ACAP3: variants seen among roughly 807,000 people sequenced by gnomAD.
ACAP3 encodes the protein arf-GAP with coiled-coil, ANK repeat and PH domain-containing protein 3.
A neutral mutation model predicts 104.1 loss-of-function variants in ACAP3; 56 were observed. The observed-to-expected ratio is 0.54, with a 90% CI of 0.43 to 0.67. The LOEUF is 0.67. Ranked by LOEUF, ACAP3 falls within the 30% of genes least tolerant of loss-of-function variation. The pLI, the probability that ACAP3 is intolerant of heterozygous loss-of-function variation, is 0.00. For synonymous variants in ACAP3, 628 were observed against 496.2 expected, an observed-to-expected ratio of 1.27 and a Z score of -3.53; for missense variants, 1,208 against 1,174.9, an observed-to-expected ratio of 1.03 and a Z score of -0.41.
chr1:1,301,258 CTTTTT>C (rs869238177), intron 5 of ACAP3, among the ~76,000 whole-genome samples: 3 of 105,424 alleles, frequency 2.8e-5, no homozygotes, highest in African/African-American at 3.7e-5. Context: ...TTGGGGGTGT[CTTTTT>C]TTTTTTTTTT....
chr1:1,295,036 G>A (rs1341271083), intron 19 of ACAP3: 4 of 581,850 alleles, frequency 6.9e-6, no homozygotes, highest in South Asian at 6.4e-5. Context: ...TAAAGCCCAG[G>A]CCTTTTGGGA....
intron 4 of ACAP3, 73 bp from the exon 5 acceptor site, chr1:1,302,119 C>T: frequency 7.7e-7 from 1 of 1,302,902 alleles, no homozygotes; most frequent in Non-Finnish European, 1.0e-6. Context: ...CCCATCCTCA[C>T]CAGCAGAGGG....
Position 1,307,913 on chromosome 1 carries a change from G to T in ACAP3, c.-98C>A. On this transcript the variant is annotated 5_prime_UTR_variant, in exon 1 of 24. Transcript: ENST00000354700. Reference sequence around the variant, plus strand: ...CTCGTCCCGCCCGCGCCGCCTCGGCGCCCGCCCGCCCCGGAATGAGGCCGC... The same window carrying T: ...CTCGTCCCGCCCGCGCCGCCTCGGCTCCCGCCCGCCCCGGAATGAGGCCGC... The T allele has an allele frequency of 3.0e-6, 2 of 663,622 alleles. No homozygotes were observed. The highest frequency in any genetic ancestry group is 3.7e-6 in the Non-Finnish European group (2 of 538,592). The allele number at this position is 663,622 out of a possible 1,614,324, so 41.1% of individuals were successfully genotyped here.
At chr1:1,307,703 G>T (rs2100510104) in intron 1 of ACAP3, 66 bp downstream of exon 1, 1 of 1,064,458 alleles carries the variant, frequency 9.4e-7, no homozygotes, top group Non-Finnish European at 1.1e-6. Flanking sequence ...CCACCCCGCC[G>T]CCGGGCACAA....
At position 1,295,805 on chromosome 1, in the gene ACAP3, G is replaced by C. The variant is rs200579243; in HGVS notation, c.1636C>G (p.Arg546Gly). 3.1e-6 allele frequency: 5 copies of C among 1,609,816 alleles called. No individual in the cohort carries two copies. The African/African-American group carries it at 5.3e-5, about 17-fold the overall frequency. Residue 546 changes from arginine (R) to glycine (G), a missense_variant, in exon 18 of 24, where the codon CGC becomes GGC. Physicochemically the swap from Arg to Gly is moderately radical, Grantham distance 125. Coordinates refer to ENST00000354700, the MANE Select transcript of ACAP3 (RefSeq NM_030649.3). Reference protein sequence around the residue: ...QKCLRPHSSPRAPTARRKVRL... With the variant: ...QKCLRPHSSPGAPTARRKVRL... Reference sequence around the variant, plus strand: ...ACCTTGCGGCGGGCAGTGGGAGCGCGGGGAGAGCTGTGGGGCCGCAGGCAC... The same window carrying C: ...ACCTTGCGGCGGGCAGTGGGAGCGCCGGGAGAGCTGTGGGGCCGCAGGCAC...
Position 1,294,733 on chromosome 1 carries a change from T to C in ACAP3, c.1897A>G (p.Ser633Gly). The stretch of plus-strand genomic sequence containing the variant: ...CGCCACCCACCCTCCTCAGTGACGC[T>C]GTCCACCACAGAGCCCGAGCCGAAA... ...LAFGSGSVVD[S>G]VTEEEGAESE... is the part of the protein sequence containing the mutation. The change falls in exon 20 of 24, where the codon AGC becomes GGC. Residue 633 changes from serine to glycine, a missense_variant. By Grantham distance (56) the Ser-to-Gly change is moderately conservative (BLOSUM62 0). Transcript: ENST00000354700. 1.3e-6 allele frequency: 2 copies of C among 1,549,612 alleles called. No homozygotes were observed. Among genetic ancestry groups the C allele is most frequent in the Non-Finnish European group, 1.7e-6 (2 of 1,146,646 alleles).
chr1:1,302,804 C>A (rs567548429), intron 4 of ACAP3, 118 bp downstream of exon 4: 7 of 331,622 alleles, frequency 2.1e-5, no homozygotes, highest in East Asian at 1.1e-4. Flanking sequence ...TTCCCCCCCC[C>A]CCCGACTAGA....
chr1:1,293,749 C>G, intron 23 of ACAP3, 41 bp from the exon 24 acceptor site: 2 of 1,444,664 alleles, frequency 1.4e-6, no homozygotes, highest in Non-Finnish European at 1.8e-6. Context: ...GCCCTGGAGG[C>G]CCCGCCCCTG....
In ACAP3 at chr1:1,293,603, A is replaced by C; in HGVS notation, c.2466T>G (p.Cys822Trp). 2.0e-6 allele frequency: 3 copies of C among 1,494,752 alleles called. No homozygotes were observed. Among genetic ancestry groups the C allele is most frequent in the Non-Finnish European group, 2.7e-6 (3 of 1,127,132 alleles). 92.6% of individuals were successfully genotyped at this position (1,494,752 alleles called of 1,614,324 possible). Reference sequence around the variant, plus strand: ...GGTGGAGGCTGATGAACTCCTGGATACACCTGCGGAACTGGAGCTCCGTGG... The same window carrying C: ...GGTGGAGGCTGATGAACTCCTGGATCCACCTGCGGAACTGGAGCTCCGTGG... Reference protein sequence around the residue: ...GSPTELQFRRCIQEFISLHLE... With the variant: ...GSPTELQFRRWIQEFISLHLE... The change falls in exon 24 of 24, where the codon TGT becomes TGG. Residue 822 changes from cysteine to tryptophan, a missense_variant. Cys to Trp is a radical substitution (Grantham distance 215). Transcript: ENST00000354700.
At chr1:1,307,677 C>A (rs1641802837) in intron 1 of ACAP3, 92 bp downstream of exon 1, 2 of 1,035,876 alleles carry the variant, frequency 1.9e-6, no homozygotes, top group Non-Finnish European at 1.2e-6. Flanking sequence ...CGCGGCCCGG[C>A]CCGGCGCTGA....
At chr1:1,295,319 G>T in intron 19 of ACAP3, 128 bp downstream of exon 19, 1 of 803,564 alleles carries the variant, frequency 1.2e-6, no homozygotes. Flanking sequence ...CAGCTGTGTG[G>T]CCAGGAGGCC....
At chr1:1,300,310 G>C in intron 6 of ACAP3, 108 bp from the exon 7 acceptor site, 1 of 1,393,460 alleles carries the variant, frequency 7.2e-7, no homozygotes, top group Non-Finnish European at 9.6e-7. Context: ...GAGACCCCCA[G>C]GTCGTCTTCA....
chr1:1,303,241 G>A lies in ACAP3; in HGVS notation c.146C>T (p.Ala49Val), dbSNP rs139733875. 4 of 1,603,610 alleles carry A rather than the reference G, an allele frequency of 2.5e-6. No homozygotes were observed. The highest frequency in any genetic ancestry group is 1.7e-5 in the Admixed American group (1 of 58,836). ...LCSGMVEAGK[A>V]YVSTSRLFVS... ...GAAAAGCCTGCTGGTGCTGACGTAGGCCTTACCGGCTTCCACCATGCCACT... is the reference window on the plus strand; with the variant it reads ...GAAAAGCCTGCTGGTGCTGACGTAGACCTTACCGGCTTCCACCATGCCACT... The change falls in exon 3 of 24, where the codon GCC becomes GTC. Residue 49 changes from alanine to valine, a missense_variant. Transcript: ENST00000354700. The surrounding 1 kb of genome is among the most constrained non-coding windows in gnomAD (Gnocchi z 4.0).
intron 14 of ACAP3, among the ~76,000 whole-genome samples, chr1:1,296,919 G>A (rs116679929): frequency 1.3e-5 from 2 of 152,054 alleles, no homozygotes; most frequent in East Asian, 1.9e-4. Context: ...AGATGGTGCC[G>A]AGCACACTCC....
rs1190142870 is a variant in ACAP3, at chr1:1,303,032, A to G, written c.226-57T>C. The G allele has an allele frequency of 1.4e-5, 22 of 1,573,780 alleles. No individual in the cohort carries two copies. Among genetic ancestry groups the G allele is most frequent in the Non-Finnish European group, 1.7e-5 (20 of 1,158,806 alleles). ...TGGCAAATCCGGGCCCAGGTCACCC[A>G]GCCACGCCCTCTGAGCCCCTGGGCG... On this transcript the variant is annotated intron_variant, in intron 3 of 23. Coordinates refer to ENST00000354700, the MANE Select transcript of ACAP3 (RefSeq NM_030649.3). This position sits in a 1 kb window ranked among gnomAD's most constrained non-coding sequence, Gnocchi z 4.0.
chr1:1,305,185 G>T (rs1249576336), intron 1 of ACAP3: 3 of 152,336 alleles, frequency 2.0e-5, no homozygotes, highest in Non-Finnish European at 2.9e-5. Flanking sequence ...ACCTTGAAGG[G>T]TCCCAGCCAC....
At position 1,294,125 on chromosome 1, in the gene ACAP3, C is replaced by T. The variant is rs372514455; in HGVS notation, c.2214G>A (p.Ala738=). 4 of 1,589,700 alleles carry T rather than the reference C, an allele frequency of 2.5e-6. No homozygotes were observed. In the South Asian group the frequency reaches 4.5e-5, roughly 18 times the overall value. The change falls in exon 22 of 24, where the codon GCG becomes GCA. Residue 738 remains alanine (A), a synonymous_variant. Transcript: ENST00000354700. ...DVNQRDSRGR[A]PLHHATLLGR... ...CCAGCAGCGTGGCGTGGTGCAGGGGCGCCCGGCCCCGGCTGTCTCTTTGGT... is the reference window on the plus strand; with the variant it reads ...CCAGCAGCGTGGCGTGGTGCAGGGGTGCCCGGCCCCGGCTGTCTCTTTGGT...
chr1:1,305,596 C>A (rs541554406), intron 1 of ACAP3: 1 of 152,368 alleles, frequency 6.6e-6, no homozygotes, highest in East Asian at 1.9e-4. Flanking sequence ...GGCAGAGGCC[C>A]CGAGAGCCGC....
At position 1,293,417 on chromosome 1, in the gene ACAP3, G is replaced by C. The variant is rs79565498; in HGVS notation, c.*147C>G. The C allele has an allele frequency of 1.9e-5, 15 of 797,812 alleles. 1 individual carries two copies. Among genetic ancestry groups the C allele is most frequent in the East Asian group, 1.8e-4 (4 of 21,988 alleles). The allele number at this position is 797,812 out of a possible 1,614,324, so 49.4% of individuals were successfully genotyped here. On this transcript the variant is annotated 3_prime_UTR_variant, in exon 24 of 24. Coordinates refer to ENST00000354700, the MANE Select transcript of ACAP3 (RefSeq NM_030649.3). ...TGGGGCCCTCGCTCTCCTCCTGGGC[G>C]AGCAGGGCCGCGGCGCCCCAGCACT...
Sources: gnomAD v4.1 joint callset for allele counts (sites outside exome capture counted in the v4.1 genomes callset) on GRCh38, gnomAD v4.1.1 for gene constraint, Gnocchi (gnomAD v3.1) non-coding constraint, MANE v1.5 for transcripts, NCBI Gene and HGNC (gene_info 2026-07-23, HGNC 2026-07-21) for gene names.